The following GRIA1 variants were observed in gnomAD, a reference collection of about 807,000 sequenced individuals.
The protein encoded by GRIA1 is glutamate receptor 1.
GRIA1 carries 31 observed loss-of-function variants against 99.2 expected under a neutral mutation model. The observed-to-expected ratio is 0.31, with a 90% confidence interval of 0.23 to 0.42. GRIA1 has a LOEUF of 0.42. GRIA1 is among the 10% of genes least tolerant of loss of function. GRIA1 has a pLI of 1.00. For missense variants in GRIA1, 782 were observed against 1,157.5 expected (o/e 0.68, Z 4.71); for synonymous variants, 438 against 432.4 (o/e 1.01, Z -0.16).
chr5:153,726,356 G>A (rs202053781), intron 11 of GRIA1, among the ~76,000 whole-genome samples: 7 of 143,050 alleles, frequency 4.9e-5, no homozygotes, highest in Non-Finnish European at 1.1e-4. Flanking sequence ...CAAACACATT[G>A]AAAAGCTAGC....
intron 2 of GRIA1, among the ~76,000 whole-genome samples, chr5:153,577,782 G>A (rs1042072818): frequency 7.2e-5 from 11 of 152,136 alleles, no homozygotes; most frequent in African/African-American, 2.7e-4. Context: ...CAAGACACCT[G>A]ACTTCATGGA....
intron 2 of GRIA1, among the ~76,000 whole-genome samples, chr5:153,556,586 A>C (rs565313888): frequency 6.6e-6 from 1 of 152,328 alleles, no homozygotes; most frequent in South Asian, 2.1e-4. Flanking sequence ...ATTACTAGTA[A>C]GAAATGTGAT....
At chr5:153,615,300 A>C (rs544707902) in intron 2 of GRIA1, among the ~76,000 whole-genome samples, 1 of 152,234 alleles carries the variant, frequency 6.6e-6, no homozygotes, top group East Asian at 1.9e-4. Context: ...ATTTCTTTTC[A>C]TGGAGAGCTC....
chr5:153,519,670 C>T (rs1194219236), intron 2 of GRIA1, among the ~76,000 whole-genome samples: 1 of 152,076 alleles, frequency 6.6e-6, no homozygotes, highest in Non-Finnish European at 1.5e-5. Context: ...GTGACCCCAT[C>T]CACCTTGAGA....
chr5:153,541,425 T>C (rs999649603), intron 2 of GRIA1, among the ~76,000 whole-genome samples: 1 of 152,232 alleles, frequency 6.6e-6, no homozygotes, highest in African/African-American at 2.4e-5. Context: ...ATATCCCATT[T>C]CATTCATGAC....
At chr5:153,686,002 A>T (rs1167886186) in intron 7 of GRIA1, among the ~76,000 whole-genome samples, 1 of 152,216 alleles carries the variant, frequency 6.6e-6, no homozygotes, top group Non-Finnish European at 1.5e-5. Context: ...GCCTAAAGAA[A>T]TAGGTAAAAA....
At chr5:153,678,619 G>A (rs770359687) in intron 7 of GRIA1, among the ~76,000 whole-genome samples, 7 of 152,152 alleles carry the variant, frequency 4.6e-5, no homozygotes, top group African/African-American at 9.7e-5. Context: ...CTCCACAGTC[G>A]AGACAGATTC....
chr5:153,563,152 G>A (rs966456571), intron 2 of GRIA1, among the ~76,000 whole-genome samples: 3 of 151,126 alleles, frequency 2.0e-5, no homozygotes, highest in African/African-American at 7.3e-5. Flanking sequence ...CCCCAGATTG[G>A]CGACAGAGCG....
intron 8 of GRIA1, among the ~76,000 whole-genome samples, chr5:153,696,862 A>ATGTGTGTGTGTG (rs10694156): frequency 4.6e-5 from 7 of 151,238 alleles, no homozygotes; most frequent in African/African-American, 1.7e-4. Flanking sequence ...TAGGGTGTGT[A>ATGTGTGTGTGTG]TGTGTGTGTG....
chr5:153,807,252 G>A (rs972656533), intron 15 of GRIA1, among the ~76,000 whole-genome samples: 5 of 152,178 alleles, frequency 3.3e-5, no homozygotes, highest in Non-Finnish European at 5.9e-5. Context: ...GCACCACTGC[G>A]TGCTGGGCAA....
In GRIA1 at chr5:153,701,164, G is replaced by A. The variant is rs1203700910; in HGVS notation, c.1452+2091G>A. Among the ~76,000 whole-genome samples the A allele has an allele frequency of 3.9e-5, 6 of 152,254 alleles. No homozygotes were observed. The East Asian group carries it at 1.2e-3, about 29-fold the overall frequency. ...GCTTGGTTAAAAGTCTGCAGTGTGG[G>A]CAGAACAATGCCAGGATCATCCCCA... On this transcript the variant is annotated intron_variant, in intron 10 of 15. Transcript: ENST00000285900.
chr5:153,574,566 G>A (rs1762380445), intron 2 of GRIA1, among the ~76,000 whole-genome samples: 1 of 152,078 alleles, frequency 6.6e-6, no homozygotes, highest in Non-Finnish European at 1.5e-5. Flanking sequence ...AATTAGAGAA[G>A]TAATTTTAGG....
chr5:153,535,567 A>G (rs1485879935), intron 2 of GRIA1, among the ~76,000 whole-genome samples: 3 of 152,208 alleles, frequency 2.0e-5, no homozygotes, highest in Admixed American at 6.5e-5. Flanking sequence ...GTTTCAGGAC[A>G]TGTGTTTAGG....
intron 7 of GRIA1, among the ~76,000 whole-genome samples, chr5:153,684,789 CAA>C (rs1757229989): frequency 6.6e-6 from 1 of 152,142 alleles, no homozygotes; most frequent in African/African-American, 2.4e-5. Context: ...CTCTGAAAAG[CAA>C]AGATAGCCCA....
Position 153,785,043 on chromosome 5 carries a change from T to C in GRIA1, c.2271-9578T>C, listed in dbSNP as rs562877330. Among the ~76,000 whole-genome samples the C allele has an allele frequency of 5.3e-5, 8 of 152,178 alleles. No individual in the cohort carries two copies. In the East Asian group the frequency reaches 1.4e-3, roughly 26 times the overall value. On this transcript the variant is annotated intron_variant, in intron 13 of 15. Transcript: ENST00000285900. ...CCACCCAGAGAAGGTTTCTCTGTCA[T>C]CCCCTCGAAATGGTTTTTTATCCTC...
chr5:153,623,376 A>C, intron 2 of GRIA1, among the ~76,000 whole-genome samples: 1 of 152,178 alleles, frequency 6.6e-6, no homozygotes, highest in East Asian at 1.9e-4. Flanking sequence ...TTCATGTAAG[A>C]GTGTCTATGA....
At position 153,706,128 on chromosome 5, in the gene GRIA1, G is replaced by GTTTTTTTTTTTTT. The variant is rs763821992; in HGVS notation, c.1823+64_1823+65insTTTTTTTTTTTTT. 6.2e-4 allele frequency: 926 copies of GTTTTTTTTTTTTT among 1,503,310 alleles called. 8 individuals are homozygous for GTTTTTTTTTTTTT. The African/African-American group carries it at 0.012, about 20-fold the overall frequency. 93.1% of individuals were successfully genotyped at this position (1,503,310 alleles called of 1,614,324 possible). On this transcript the variant is annotated intron_variant, in intron 11 of 15. Coordinates refer to ENST00000285900, the MANE Select transcript of GRIA1 (RefSeq NM_000827.4). ...TATGGTTTTGTTTGTTTGTTTGTTTGTTTGTTTTTTAAATACTGAAAAGTA... is the reference window on the plus strand; with the variant it reads ...TATGGTTTTGTTTGTTTGTTTGTTTGTTTTTTTTTTTTTTTTGTTTTTTAAATACTGAAAAGTA...
intron 8 of GRIA1, among the ~76,000 whole-genome samples, chr5:153,696,600 C>T (rs1406183613): frequency 6.6e-6 from 1 of 152,230 alleles, no homozygotes; most frequent in African/African-American, 2.4e-5. Flanking sequence ...ACTGAAGGAA[C>T]TGGGAAAGAC....
At chr5:153,505,044 G>A (rs1490893961) in intron 2 of GRIA1, among the ~76,000 whole-genome samples, 2 of 152,122 alleles carry the variant, frequency 1.3e-5, no homozygotes, top group Non-Finnish European at 2.9e-5. Context: ...GAGGGGACAG[G>A]GAGAGCCAGG....
Sources: gnomAD v4.1 joint callset for allele counts (sites outside exome capture counted in the v4.1 genomes callset) on GRCh38, gnomAD v4.1.1 for gene constraint, MANE v1.5 for transcripts, NCBI Gene and HGNC (gene_info 2026-07-23, HGNC 2026-07-21) for gene names.